Variants in TAMM41 observed in about 807,000 individuals in gnomAD.
TAMM41 encodes TAM41 mitochondrial translocator assembly and maintenance homolog.
In TAMM41, 36 loss-of-function variants were observed where a neutral mutation model predicts 44.1. The ratio of observed to expected loss-of-function variants is 0.82; its 90% CI spans 0.63 to 1.08. TAMM41 has a LOEUF of 1.08. TAMM41 is among the 50% of genes least tolerant of loss of function. TAMM41 has a pLI of 0.00. For synonymous variants in TAMM41, 164 were observed against 153.1 expected (o/e 1.07, Z -0.53); for missense variants, 417 against 404.3 (o/e 1.03, Z -0.27).
chr3:11,817,510 T>C (rs780344054), intron 4 of TAMM41, among the ~76,000 whole-genome samples, 173 bp from the exon 5 acceptor site: 2 of 152,342 alleles, frequency 1.3e-5, no homozygotes, highest in East Asian at 1.9e-4. Context: ...ATGTGAGCAC[T>C]TGTTTGGAGG....
chr3:11,753,293 G>A, the TAMM41 span, among the ~76,000 whole-genome samples: 1 of 151,982 alleles, frequency 6.6e-6, no homozygotes, highest in African/African-American at 2.4e-5. Flanking sequence ...AAAATAGTGG[G>A]GCATAGTGGT....
At chr3:11,819,398 G>A (rs768265166) in intron 4 of TAMM41, among the ~76,000 whole-genome samples, 7 of 152,150 alleles carry the variant, frequency 4.6e-5, no homozygotes, top group Non-Finnish European at 7.3e-5. Context: ...AGAAACTTGC[G>A]TAAGGTTTCC....
chr3:11,794,148 A>ATTT (rs746651341), intron 7 of TAMM41, among the ~76,000 whole-genome samples: 1,154 of 112,104 alleles, frequency 0.01, 23 homozygotes, highest in African/African-American at 0.033. Context: ...ACTTTCTTCA[A>ATTT]TTTTTTTTTT....
chr3:11,730,417 C>CAAA, the TAMM41 span, among the ~76,000 whole-genome samples: 3 of 99,206 alleles, frequency 3.0e-5, no homozygotes, highest in African/African-American at 7.0e-5. Flanking sequence ...TACTTCATCT[C>CAAA]AAAAAAAAAA....
the TAMM41 span, among the ~76,000 whole-genome samples, chr3:11,729,023 A>AG: frequency 6.6e-6 from 1 of 151,372 alleles, no homozygotes; most frequent in African/African-American, 2.4e-5. Flanking sequence ...AAAAAAAAAA[A>AG]TACAAAAACT....
chr3:11,815,332 T>C (rs1468995155), intron 5 of TAMM41, among the ~76,000 whole-genome samples: 1 of 151,840 alleles, frequency 6.6e-6, no homozygotes, highest in Non-Finnish European at 1.5e-5. Context: ...AACAACCAGT[T>C]GAGAAAGGAA....
At position 11,837,048 on chromosome 3, in the gene TAMM41, G is replaced by A. The variant is rs528822917; in HGVS notation, c.411+2174C>T. On this transcript the variant is annotated intron_variant, in intron 3 of 7. Transcript: ENST00000455809. Reference sequence around the variant, plus strand: ...GTGTATACCTGTGTAACCCCTGCCCGGATCGAGTATTTCTGGACATTTTAA... The same window carrying A: ...GTGTATACCTGTGTAACCCCTGCCCAGATCGAGTATTTCTGGACATTTTAA... 1.1e-4 allele frequency among the ~76,000 whole-genome samples: 17 copies of A among 152,294 alleles called. No homozygotes were observed. The East Asian group carries it at 1.9e-3, about 17-fold the overall frequency.
the TAMM41 span, among the ~76,000 whole-genome samples, chr3:11,725,392 T>TC: frequency 7.1e-6 from 1 of 140,066 alleles, no homozygotes; most frequent in Non-Finnish European, 1.5e-5. Context: ...TCCTCCTTCT[T>TC]TTTCTTCTTC....
the TAMM41 span, among the ~76,000 whole-genome samples, chr3:11,759,419 T>C: frequency 1.3e-5 from 2 of 151,810 alleles, no homozygotes; most frequent in African/African-American, 4.8e-5. Flanking sequence ...GGAAGGGGCA[T>C]TGGGCCAGGC....
chr3:11,773,297 T>A, the TAMM41 span, among the ~76,000 whole-genome samples: 2 of 145,214 alleles, frequency 1.4e-5, no homozygotes, highest in African/African-American at 4.9e-5. Flanking sequence ...CAAGTATTGC[T>A]TATTTTATTT....
At chr3:11,835,872 TG>T (rs1652127102) in intron 3 of TAMM41, among the ~76,000 whole-genome samples, 1 of 152,136 alleles carries the variant, frequency 6.6e-6, no homozygotes, top group African/African-American at 2.4e-5. Flanking sequence ...AGACTGTCAG[TG>T]GTGCAGGGTC....
chr3:11,839,919 G>A (rs763787284), intron 2 of TAMM41, among the ~76,000 whole-genome samples: 19 of 152,096 alleles, frequency 1.2e-4, no homozygotes, highest in Admixed American at 1.3e-4. Context: ...CACTACTGTA[G>A]AACCTAAGGT....
chr3:11,772,445 C>G, the TAMM41 span, among the ~76,000 whole-genome samples: 122 of 152,276 alleles, frequency 8.0e-4, no homozygotes, highest in African/African-American at 2.9e-3. Context: ...CAAGTGACAA[C>G]AAGCGGTATC....
the TAMM41 span, among the ~76,000 whole-genome samples, chr3:11,781,642 G>A: frequency 6.6e-6 from 1 of 151,904 alleles, no homozygotes; most frequent in Admixed American, 6.6e-5. Context: ...GGCTGAGGCA[G>A]GAGAATTGCT....
At chr3:11,729,461 G>A in the TAMM41 span, among the ~76,000 whole-genome samples, 1 of 147,688 alleles carries the variant, frequency 6.8e-6, no homozygotes, top group East Asian at 2.1e-4. Flanking sequence ...ACACCCCAGA[G>A]TGAAATTCTT....
intron 7 of TAMM41, among the ~76,000 whole-genome samples, chr3:11,800,209 G>A (rs1314234646): frequency 6.6e-6 from 1 of 151,816 alleles, no homozygotes; most frequent in Admixed American, 6.6e-5. Context: ...TCAAATTACA[G>A]AATTTCATCA....
intron 7 of TAMM41, among the ~76,000 whole-genome samples, chr3:11,791,367 G>T (rs1011056557): frequency 6.6e-6 from 1 of 152,178 alleles, no homozygotes; most frequent in African/African-American, 2.4e-5. Flanking sequence ...AAGGCTCTCC[G>T]GGGGCTTAGG....
the TAMM41 span, among the ~76,000 whole-genome samples, chr3:11,745,684 A>G: frequency 6.6e-6 from 1 of 152,204 alleles, no homozygotes; most frequent in Non-Finnish European, 1.5e-5. Context: ...GGAAGAGGAA[A>G]TGGGAAGTTA....
chr3:11,810,684 T>TA (rs1167233441), intron 5 of TAMM41: 1 of 152,168 alleles, frequency 6.6e-6, no homozygotes, highest in African/African-American at 2.4e-5. Context: ...ATTTTAGGCT[T>TA]AGAGTTTACA....
Sources: gnomAD v4.1 joint callset for allele counts (sites outside exome capture counted in the v4.1 genomes callset) on GRCh38, gnomAD v4.1.1 for gene constraint, MANE v1.5 for transcripts, NCBI Gene and HGNC (gene_info 2026-07-23, HGNC 2026-07-21) for gene names.